Variants in RBFOX1 observed in about 807,000 individuals in gnomAD.
The protein encoded by RBFOX1 is RNA binding protein fox-1 homolog 1.
A neutral mutation model predicts 57.7 loss-of-function variants in RBFOX1; 8 were observed. The ratio of observed to expected loss-of-function variants is 0.14; its 90% CI spans 0.08 to 0.25. RBFOX1 has a LOEUF of 0.25. Ranked by LOEUF, RBFOX1 falls within the 10% of genes least tolerant of loss-of-function variation. The probability of loss-of-function intolerance (pLI) is 1.00; values close to 1 mark genes in which losing one functional copy is unlikely to be tolerated. For synonymous variants in RBFOX1, 326 were observed against 222.4 expected (o/e 1.47, Z -4.15); for missense variants, 611 against 548.5 (o/e 1.11, Z -1.14).
At chr16:6,392,574 A>T (rs1168070180) in intron 2 of RBFOX1, among the ~76,000 whole-genome samples, 1 of 152,174 alleles carries the variant, frequency 6.6e-6, no homozygotes, top group Non-Finnish European at 1.5e-5. Context: ...AAAATATGTG[A>T]TCCTGATGGA....
chr16:6,733,710 A>G (rs1446042918), intron 3 of RBFOX1, among the ~76,000 whole-genome samples: 1 of 152,062 alleles, frequency 6.6e-6, no homozygotes, highest in Non-Finnish European at 1.5e-5. Context: ...GTGAACTGAG[A>G]TCACACCACT....
intron 3 of RBFOX1, among the ~76,000 whole-genome samples, chr16:5,831,473 T>TTTATTATTATTATTATTATTA (rs149535816): frequency 1.3e-3 from 177 of 141,504 alleles, no homozygotes; most frequent in African/African-American, 2.1e-3. Flanking sequence ...TCTTTTCTCT[T>TTTATTATTATTATTATTATTA]TTATTATTAT....
intron 4 of RBFOX1, among the ~76,000 whole-genome samples, chr16:7,266,028 G>A (rs1167478013): frequency 7.2e-6 from 1 of 139,056 alleles, no homozygotes; most frequent in Non-Finnish European, 1.5e-5. Flanking sequence ...AGGCTGGAGT[G>A]CAGTGGCGCT....
intron 3 of RBFOX1, among the ~76,000 whole-genome samples, chr16:6,921,446 T>C (rs931041745): frequency 6.6e-6 from 1 of 152,032 alleles, no homozygotes; most frequent in Non-Finnish European, 1.5e-5. Context: ...CTGAGATTGG[T>C]GGATTCTTGC....
At chr16:7,523,779 T>A (rs931834518) in intron 5 of RBFOX1, among the ~76,000 whole-genome samples, 10 of 152,180 alleles carry the variant, frequency 6.6e-5, no homozygotes, top group African/African-American at 2.2e-4. Context: ...TGTATACTCA[T>A]CTCTCTTTGG....
intron 4 of RBFOX1, among the ~76,000 whole-genome samples, chr16:7,276,777 A>G (rs2095448526): frequency 6.6e-6 from 1 of 152,204 alleles, no homozygotes; most frequent in South Asian, 2.1e-4. Context: ...TCCTCATAAA[A>G]TACTGATTAT....
intron 3 of RBFOX1, among the ~76,000 whole-genome samples, chr16:6,736,517 A>C (rs182344675): frequency 6.6e-6 from 1 of 152,220 alleles, no homozygotes; most frequent in African/African-American, 2.4e-5. Context: ...GTAGTATTGC[A>C]TCATATATAT....
chr16:5,328,236 G>A (rs920842937), intron 1 of RBFOX1, among the ~76,000 whole-genome samples: 1 of 152,066 alleles, frequency 6.6e-6, no homozygotes, highest in Non-Finnish European at 1.5e-5. Flanking sequence ...GTTAAATAAG[G>A]CTTTTAAAGG....
At chr16:6,644,054 A>T (rs934522567) in intron 2 of RBFOX1, among the ~76,000 whole-genome samples, 1 of 152,160 alleles carries the variant, frequency 6.6e-6, no homozygotes, top group African/African-American at 2.4e-5. Context: ...TGAACCCGGG[A>T]GGCAGAGTTT....
chr16:5,504,386 A>G (rs1036527669), intron 2 of RBFOX1, among the ~76,000 whole-genome samples: 7 of 152,116 alleles, frequency 4.6e-5, no homozygotes. Context: ...CCTGGATAAC[A>G]AGGAAACCTG....
intron 3 of RBFOX1, among the ~76,000 whole-genome samples, chr16:5,792,860 A>C (rs2151735259): frequency 6.6e-6 from 1 of 152,296 alleles, no homozygotes; most frequent in Admixed American, 6.5e-5. Context: ...AAAATCATGA[A>C]GATAAGAAAT....
chr16:7,413,956 A>G (rs989567887), intron 4 of RBFOX1, among the ~76,000 whole-genome samples: 7 of 152,070 alleles, frequency 4.6e-5, no homozygotes, highest in African/African-American at 1.2e-4. Flanking sequence ...TTACTTTCCA[A>G]ACTCCAAGGA....
rs1567258364 is a variant in RBFOX1 at position 6,431,927 on chromosome 16, T to TTC, written c.-64+114872_-64+114873dup. ...TTTCTTTCTTTCTTTCTTTCTTTCT[T>TTC]TCTTTCTTTCTTTCTTTCTTTCTTT... is the stretch of plus-strand genomic sequence containing the variant. On this transcript the variant is annotated intron_variant, in intron 2 of 15. Transcript: ENST00000550418. Among the ~76,000 whole-genome samples, 8 of 150,722 alleles carry TTC rather than the reference T, an allele frequency of 5.3e-5. No homozygotes were observed. In the South Asian group the frequency reaches 1.7e-3, roughly 32 times the overall value.
intron 1 of RBFOX1, among the ~76,000 whole-genome samples, chr16:5,372,163 A>G (rs2065874070): frequency 6.6e-6 from 1 of 152,204 alleles, no homozygotes; most frequent in Non-Finnish European, 1.5e-5. Flanking sequence ...AAGGGAGGTT[A>G]GGTCAATATT....
rs76191210 is a variant in RBFOX1 at position 5,323,173 on chromosome 16, C to T, written c.219+83068C>T. Among the ~76,000 whole-genome samples, 546 of 152,274 alleles carry T rather than the reference C, an allele frequency of 3.6e-3. 3 individuals are homozygous for T. Among genetic ancestry groups the T allele is most frequent in the African/African-American group, 0.012 (512 of 41,568 alleles). On this transcript the variant is annotated intron_variant, in intron 1 of 2. Transcript: ENST00000585867. ...TGGACATATGACAAAGTGCTGTATG[C>T]GTACATATTAAGAGAAATGCATTTC...
At chr16:5,406,032 G>A (rs1215639037) in intron 1 of RBFOX1, among the ~76,000 whole-genome samples, 1 of 152,150 alleles carries the variant, frequency 6.6e-6, no homozygotes, top group East Asian at 1.9e-4. Flanking sequence ...GTTAGTTGAA[G>A]CCACTTTTAT....
intron 2 of RBFOX1, chr16:6,577,253 C>G (rs1006791017): frequency 3.9e-5 from 6 of 152,214 alleles, no homozygotes; most frequent in African/African-American, 1.2e-4. Flanking sequence ...GTAATAGCAT[C>G]TAGCATTGCC....
intron 4 of RBFOX1, among the ~76,000 whole-genome samples, chr16:7,420,113 A>G (rs1338529572): frequency 1.3e-5 from 2 of 151,078 alleles, no homozygotes; most frequent in African/African-American, 4.9e-5. Flanking sequence ...GCGTTTGACA[A>G]CTCTTTGTTA....
At chr16:6,225,328 G>A (rs1169592560) in intron 1 of RBFOX1, among the ~76,000 whole-genome samples, 2 of 152,108 alleles carry the variant, frequency 1.3e-5, no homozygotes, top group Admixed American at 6.5e-5. Context: ...TATAACTTGC[G>A]TATCTTCTAA....
Sources: gnomAD v4.1 joint callset for allele counts (sites outside exome capture counted in the v4.1 genomes callset) on GRCh38, gnomAD v4.1.1 for gene constraint, MANE v1.5 for transcripts, NCBI Gene and HGNC (gene_info 2026-07-23, HGNC 2026-07-21) for gene names.